FH: variants seen among roughly 807,000 people sequenced by gnomAD.
The protein encoded by FH is fumarate hydratase.
FH carries 22 observed loss-of-function variants against 49.4 expected under a neutral mutation model. The observed-to-expected ratio is 0.45, with a 90% confidence interval of 0.32 to 0.64. The LOEUF is 0.64. Among genes scored for constraint, FH ranks in the 30% least tolerant of loss-of-function variants. The probability of loss-of-function intolerance (pLI) is 0.05; values close to 1 mark genes in which losing one functional copy is unlikely to be tolerated. For missense variants in FH, 526 were observed against 641.5 expected (o/e 0.82, Z 1.95); for synonymous variants, 208 against 223.0 (o/e 0.93, Z 0.60).
rs1191588991 is a variant in FH, at chr1:241,506,073, A to G, written c.834T>C (p.Ala278=). ...RIYELAAGGT[A]VGTGLNTRIG... ...TTCTAGTATTTAAACCTGTACCAAC[A>G]GCAGTGCCTCCAGCTGCGAGCTCAT... Residue 278 remains alanine, a synonymous_variant, in exon 6 of 10, where the codon GCT becomes GCC. Transcript: ENST00000366560. 4 of 1,614,066 alleles carry G rather than the reference A, an allele frequency of 2.5e-6. No homozygotes were observed. The South Asian group carries it at 4.4e-5, about 18-fold the overall frequency.
intron 8 of FH, among the ~76,000 whole-genome samples, chr1:241,501,867 A>G (rs1443960773): frequency 6.6e-6 from 1 of 152,238 alleles, no homozygotes; most frequent in Non-Finnish European, 1.5e-5. Flanking sequence ...GGGTGGACAC[A>G]ATGTTTTCAA....
chr1:241,503,019 G>A (rs1018532265), intron 7 of FH, among the ~76,000 whole-genome samples: 13 of 152,302 alleles, frequency 8.5e-5, no homozygotes, highest in African/African-American at 3.1e-4. Flanking sequence ...CTAGGGGAAG[G>A]TGATGCTAAG....
intron 2 of FH, among the ~76,000 whole-genome samples, chr1:241,516,231 T>G (rs1307282617): frequency 2.6e-5 from 4 of 152,102 alleles, no homozygotes; most frequent in African/African-American, 9.7e-5. Flanking sequence ...CCAAAATAAC[T>G]ATTCACAATA....
chr1:241,507,414 A>G (rs1203461883), intron 5 of FH, among the ~76,000 whole-genome samples: 2 of 152,134 alleles, frequency 1.3e-5, no homozygotes, highest in African/African-American at 4.8e-5. Context: ...TAAGCAACAC[A>G]TGACTGTATG....
chr1:241,506,246 A>C (rs1659927790), intron 5 of FH, 78 bp from the exon 6 acceptor site: 14 of 1,057,002 alleles, frequency 1.3e-5, no homozygotes, highest in Non-Finnish European at 1.8e-5. Flanking sequence ...ATTAAATAGA[A>C]ATTTTTAAAA....
chr1:241,503,533 T>C (rs142194293), intron 7 of FH, among the ~76,000 whole-genome samples: 1 of 152,312 alleles, frequency 6.6e-6, no homozygotes, highest in Non-Finnish European at 1.5e-5. Context: ...TTGTTACCAA[T>C]ATATTCTTCT....
At chr1:241,510,513 G>C (rs991444127) in intron 4 of FH, among the ~76,000 whole-genome samples, 1 of 151,936 alleles carries the variant, frequency 6.6e-6, no homozygotes, top group Non-Finnish European at 1.5e-5. Context: ...TAAATAAATG[G>C]GACAGAGAGA....
intron 7 of FH, among the ~76,000 whole-genome samples, chr1:241,503,417 C>G (rs145989445): frequency 6.6e-6 from 1 of 152,194 alleles, no homozygotes; most frequent in Non-Finnish European, 1.5e-5. Context: ...TTCTGTCATC[C>G]ATAGTATTGC....
At chr1:241,502,375 T>C (rs1307875594) in intron 8 of FH, 68 bp downstream of exon 8, 1 of 1,591,158 alleles carries the variant, frequency 6.3e-7, no homozygotes, top group Non-Finnish European at 8.6e-7. Context: ...TAGAAGTCTT[T>C]ATGAAATACA....
chr1:241,519,444 C>T, intron 1 of FH, 147 bp downstream of exon 1: 2 of 1,010,000 alleles, frequency 2.0e-6, no homozygotes, highest in South Asian at 1.9e-5. Context: ...GGGAGGCCCG[C>T]CACGCCGGCA....
Position 241,519,733 on chromosome 1 carries a change from G to A in FH, c.-11C>T, listed in dbSNP as rs200942733. The stretch of plus-strand genomic sequence containing the variant: ...AAGTGCTCGGTACATGGTGCTGAGG[G>A]AGCTTGGGTAGAATTTCTGGGCGGC... On this transcript the variant is annotated 5_prime_UTR_variant, in exon 1 of 10. Coordinates refer to ENST00000366560, the MANE Select transcript of FH (RefSeq NM_000143.4). 1.6e-3 allele frequency: 2,503 copies of A among 1,525,840 alleles called. 2 individuals are homozygous for A. The highest frequency in any genetic ancestry group is 2.1e-3 in the Non-Finnish European group (2,383 of 1,131,918). The allele number at this position is 1,525,840 out of a possible 1,614,324, so 94.5% of individuals were successfully genotyped here. A position where few individuals can be genotyped will look rare whatever the true frequency, so the allele number is the denominator to read the frequency against.
In FH at chr1:241,517,260, T is replaced by C. The variant is rs375195780; in HGVS notation, c.189A>G (p.Pro63=). The change falls in exon 2 of 10, where the codon CCA becomes CCG. Residue 63 remains proline, a synonymous_variant. Transcript: ENST00000366560. ...TCTGGGCGCCATAATACTTATCATT[T>C]GGCACCTTTAGTTCACCAAAGGTAT... ...EYDTFGELKV[P]NDKYYGAQTV... 2.5e-6 allele frequency: 4 copies of C among 1,614,070 alleles called. No homozygotes were observed. In the African/African-American group the frequency reaches 5.3e-5, roughly 22 times the overall value.
chr1:241,504,943 T>A (rs1300895353), intron 6 of FH, among the ~76,000 whole-genome samples: 1 of 151,250 alleles, frequency 6.6e-6, no homozygotes, highest in Non-Finnish European at 1.5e-5. Flanking sequence ...GAGTCTTGCT[T>A]TTTTAGCCAG....
chr1:241,511,579 T>C (rs1451893861), intron 4 of FH, among the ~76,000 whole-genome samples: 2 of 152,144 alleles, frequency 1.3e-5, no homozygotes, highest in African/African-American at 4.8e-5. Context: ...GTCTGTTGTT[T>C]AGCTAAGAGT....
At position 241,508,596 on chromosome 1, in the gene FH, C is replaced by T; in HGVS notation, c.738+7G>A. The T allele has an allele frequency of 6.2e-7, 1 of 1,610,700 alleles. No individual in the cohort carries two copies. Among genetic ancestry groups the T allele is most frequent in the Non-Finnish European group, 8.5e-7 (1 of 1,176,992 alleles). ...TAAATTGAATCAAATTAGTCAAACT[C>T]CTATACCTGCCCAAGAGTAAGTGGA... is the stretch of plus-strand genomic sequence containing the variant. On this transcript the variant is annotated splice_region_variant and intron_variant, in intron 5 of 9. Coordinates refer to ENST00000366560, the MANE Select transcript of FH (RefSeq NM_000143.4).
chr1:241,508,528 G>T, intron 5 of FH, 75 bp downstream of exon 5: 1 of 1,357,968 alleles, frequency 7.4e-7, no homozygotes, highest in Non-Finnish European at 1.1e-6. Context: ...TTTTAAGCTA[G>T]TCAGATTTCA....
At chr1:241,506,668 G>C (rs1430005357) in intron 5 of FH, among the ~76,000 whole-genome samples, 1 of 152,116 alleles carries the variant, frequency 6.6e-6, no homozygotes, top group African/African-American at 2.4e-5. Flanking sequence ...ATTCTACAGA[G>C]ACTTGGGAAG....
chr1:241,503,912 A>G (rs1291578506), intron 7 of FH, 130 bp downstream of exon 7: 2 of 945,312 alleles, frequency 2.1e-6, no homozygotes, highest in East Asian at 2.6e-5. Context: ...GACCACAGAC[A>G]TGCTGGAACA....
intron 1 of FH, among the ~76,000 whole-genome samples, chr1:241,517,902 TA>T (rs1260266817): frequency 6.6e-6 from 1 of 152,228 alleles, no homozygotes; most frequent in Non-Finnish European, 1.5e-5. Context: ...GCATTTTTAA[TA>T]ATCAATGATC....
Sources: allele counts gnomAD v4.1 joint callset (sites outside exome capture counted in the v4.1 genomes callset), GRCh38; gene constraint gnomAD v4.1.1; transcripts MANE v1.5; gene names NCBI Gene and HGNC (gene_info 2026-07-23, HGNC 2026-07-21).